DOC2B: variants seen among roughly 807,000 people sequenced by gnomAD.
DOC2B encodes double C2 domain beta.
Under a neutral mutation model 28.9 loss-of-function variants are expected in DOC2B, and 21 were observed. That is an observed-to-expected ratio of 0.73 (90% CI 0.52 to 1.05). DOC2B has a LOEUF of 1.05. Ranked by LOEUF, DOC2B falls within the 50% of genes least tolerant of loss-of-function variation. The pLI, the probability that DOC2B is intolerant of heterozygous loss-of-function variation, is 0.00. For synonymous variants in DOC2B, 194 were observed against 178.1 expected (o/e 1.09, Z -0.71); for missense variants, 384 against 421.1 (o/e 0.91, Z 0.77).
chr17:153,194 C>A (rs897053939), intron 6 of DOC2B, among the ~76,000 whole-genome samples: 1 of 152,198 alleles, frequency 6.6e-6, no homozygotes, highest in African/African-American at 2.4e-5. Flanking sequence ...TGGGACCCAG[C>A]TGCAGGGGTC....
chr17:150,315 C>A (rs1364679825), intron 6 of DOC2B, among the ~76,000 whole-genome samples: 1 of 152,198 alleles, frequency 6.6e-6, no homozygotes, highest in African/African-American at 2.4e-5. Context: ...CTCCCTGGGC[C>A]TGGCACCAGG....
intron 5 of DOC2B, among the ~76,000 whole-genome samples, chr17:157,743 T>A (rs991803476): frequency 3.3e-5 from 5 of 152,290 alleles, no homozygotes; most frequent in Admixed American, 2.0e-4. Flanking sequence ...CGCATCCAGA[T>A]AATACCTGCG....
intron 1 of DOC2B, among the ~76,000 whole-genome samples, chr17:173,937 G>A (rs113203458): frequency 0.044 from 6,666 of 152,226 alleles, 178 homozygotes; most frequent in Non-Finnish European, 0.065. Context: ...TCTCTTCTGC[G>A]GCTGCTTTCC....
At position 154,458 on chromosome 17, in the gene DOC2B, T is replaced by A. The variant is rs549453315; in HGVS notation, c.923+1762A>T. Among the ~76,000 whole-genome samples, 10 of 152,332 alleles carry A rather than the reference T, an allele frequency of 6.6e-5. No homozygotes were observed. In the South Asian group the frequency reaches 1.4e-3, roughly 22 times the overall value. On this transcript the variant is annotated intron_variant, in intron 6 of 8. Transcript: ENST00000613549. The stretch of plus-strand genomic sequence containing the variant: ...TATTCCACGCACCTGCTACACTCCT[T>A]CTTAGGGCTGATATTCCACTGCAGG...
At chr17:166,623 G>A (rs941876300) in intron 2 of DOC2B, among the ~76,000 whole-genome samples, 6 of 152,142 alleles carry the variant, frequency 3.9e-5, no homozygotes, top group South Asian at 4.1e-4. Flanking sequence ...TAGTGAATAC[G>A]TCTCACGAGA....
chr17:164,372 A>T (rs930728809), intron 2 of DOC2B, among the ~76,000 whole-genome samples, 168 bp from the exon 3 acceptor site: 1 of 152,110 alleles, frequency 6.6e-6, no homozygotes, highest in South Asian at 2.1e-4. Flanking sequence ...GGATGGCTCA[A>T]CGCTGATGCA....
intron 1 of DOC2B, among the ~76,000 whole-genome samples, chr17:175,175 C>T (rs1028457956): frequency 2.0e-5 from 3 of 152,206 alleles, no homozygotes; most frequent in African/African-American, 4.8e-5. Context: ...GAAGTTGAGG[C>T]TACAGTGAGT....
At chr17:161,861 A>T (rs1259023975) in intron 4 of DOC2B, among the ~76,000 whole-genome samples, 2 of 152,160 alleles carry the variant, frequency 1.3e-5, no homozygotes, top group African/African-American at 4.8e-5. Flanking sequence ...CCCAGGAAGC[A>T]CCTTCAGGGG....
At chr17:151,731 G>T (rs1015753927) in intron 6 of DOC2B, among the ~76,000 whole-genome samples, 11 of 152,176 alleles carry the variant, frequency 7.2e-5, no homozygotes, top group African/African-American at 2.7e-4. Flanking sequence ...GGTCCTGCGT[G>T]CCCTGCCTTC....
At chr17:166,030 G>A (rs1043090388) in intron 2 of DOC2B, among the ~76,000 whole-genome samples, 12 of 152,164 alleles carry the variant, frequency 7.9e-5, no homozygotes, top group Non-Finnish European at 1.6e-4. Context: ...ACACCCGTGG[G>A]AGCTAGGCTG....
At chr17:180,589 G>C (rs1567542055) in intron 1 of DOC2B, among the ~76,000 whole-genome samples, 2 of 152,078 alleles carry the variant, frequency 1.3e-5, no homozygotes, top group Admixed American at 1.3e-4. Context: ...TGCGCTCTGC[G>C]GGCCGCCGGG....
intron 6 of DOC2B, among the ~76,000 whole-genome samples, chr17:155,573 C>T (rs181848429): frequency 1.2e-4 from 19 of 152,266 alleles, no homozygotes; most frequent in Admixed American, 1.1e-3. Flanking sequence ...TTCTGAAGAG[C>T]CCCGAGCACT....
At chr17:148,142 G>A in intron 8 of DOC2B, 31 bp downstream of exon 8, 1 of 398,562 alleles carries the variant, frequency 2.5e-6, no homozygotes, top group South Asian at 1.3e-4. Context: ...CAGGCACACA[G>A]TGAGACGGTG....
chr17:144,333 A>C lies in DOC2B; in HGVS notation c.*3108T>G, dbSNP rs2040005342. On this transcript the variant is annotated 3_prime_UTR_variant, in exon 9 of 9. Coordinates refer to ENST00000613549, the MANE Select transcript of DOC2B (RefSeq NM_003585.5). Reference sequence around the variant, plus strand: ...GAGTGCAGTGCCGCGATCTTGGCTCACTGCAGCCTTCACCTCCCGGGTTCA... The same window carrying C: ...GAGTGCAGTGCCGCGATCTTGGCTCCCTGCAGCCTTCACCTCCCGGGTTCA... The C allele has an allele frequency of 6.6e-6, 1 of 152,170 alleles. No individual in the cohort carries two copies. Among genetic ancestry groups the C allele is most frequent in the Non-Finnish European group, 1.5e-5 (1 of 68,036 alleles). The allele number at this position is 152,170 out of a possible 1,614,324, so 9.4% of individuals were successfully genotyped here. A position where few individuals can be genotyped will look rare whatever the true frequency, so the allele number is the denominator to read the frequency against.
chr17:151,917 C>G (rs1437265718), intron 6 of DOC2B, among the ~76,000 whole-genome samples: 1 of 152,204 alleles, frequency 6.6e-6, no homozygotes, highest in Non-Finnish European at 1.5e-5. Flanking sequence ...GTTTTCTCTA[C>G]CAGAAGTGCC....
At chr17:174,508 G>A (rs1221592187) in intron 1 of DOC2B, among the ~76,000 whole-genome samples, 1 of 152,114 alleles carries the variant, frequency 6.6e-6, no homozygotes, top group Non-Finnish European at 1.5e-5. Context: ...CCCTGCCTTT[G>A]GGAACAGAAC....
At chr17:164,285 G>A in intron 2 of DOC2B, 81 bp from the exon 3 acceptor site, 2 of 1,131,646 alleles carry the variant, frequency 1.8e-6, no homozygotes, top group Non-Finnish European at 2.6e-6. Flanking sequence ...CTTGTCCCCT[G>A]GGTCTCCTGG....
At position 144,108 on chromosome 17, in the gene DOC2B, GGCGCTGGAGGCA is replaced by G. The variant is rs1415221734; in HGVS notation, c.*3321_*3332del. 8 of 137,800 alleles carry G rather than the reference GGCGCTGGAGGCA, an allele frequency of 5.8e-5. No individual in the cohort carries two copies. In the South Asian group the frequency reaches 6.0e-4, roughly 10 times the overall value. The allele number at this position is 137,800 out of a possible 1,614,324, so 8.5% of individuals were successfully genotyped here. The stretch of plus-strand genomic sequence containing the variant: ...CGGCGGGCGGGGCGGCGGGCGGGGC[GGCGCTGGAGGCA>G]GCGCCTGGTTACTGACACCTGGAAT... On this transcript the variant is annotated 3_prime_UTR_variant, in exon 9 of 9. Transcript: ENST00000613549.
At chr17:172,347 A>G (rs1411329379) in intron 2 of DOC2B, among the ~76,000 whole-genome samples, 190 bp downstream of exon 2, 1 of 152,148 alleles carries the variant, frequency 6.6e-6, no homozygotes, top group African/African-American at 2.4e-5. Flanking sequence ...TGACTGTCCA[A>G]GGCATTTCTT....
Sources: allele counts gnomAD v4.1 joint callset (sites outside exome capture counted in the v4.1 genomes callset), GRCh38; gene constraint gnomAD v4.1.1; transcripts MANE v1.5; gene names NCBI Gene and HGNC (gene_info 2026-07-23, HGNC 2026-07-21).